CSMD1: variants seen among roughly 807,000 people sequenced by gnomAD.
CSMD1 encodes the protein CUB and sushi domain-containing protein 1.
A neutral mutation model predicts 417.5 loss-of-function variants in CSMD1; 213 were observed. The observed-to-expected ratio is 0.51, with a 90% CI of 0.46 to 0.57. The LOEUF is 0.57. Among genes scored for constraint, CSMD1 ranks in the 20% least tolerant of loss-of-function variants. The pLI is 0.00. For missense variants in CSMD1, 6,923 were observed against 4,529.7 expected, an observed-to-expected ratio of 1.53 and a Z score of -15.17; for synonymous variants, 2,862 against 1,736.8, an observed-to-expected ratio of 1.65 and a Z score of -16.11.
chr8:4,918,112 C>A (rs181804077), intron 1 of CSMD1, among the ~76,000 whole-genome samples: 1 of 152,038 alleles, frequency 6.6e-6, no homozygotes, highest in Admixed American at 6.6e-5. Context: ...AATATGTATT[C>A]TATTACAAAA....
chr8:3,643,659 C>A (rs901716736), intron 7 of CSMD1, among the ~76,000 whole-genome samples: 1 of 146,396 alleles, frequency 6.8e-6, no homozygotes, highest in Non-Finnish European at 1.5e-5. Flanking sequence ...CGAGATCGCG[C>A]CACTGCACCC....
At chr8:3,395,219 T>C (rs929300373) in intron 17 of CSMD1, among the ~76,000 whole-genome samples, 2 of 152,212 alleles carry the variant, frequency 1.3e-5, no homozygotes, top group African/African-American at 4.8e-5. Flanking sequence ...TTTACAATAG[T>C]ACTTGAGATA....
intron 3 of CSMD1, among the ~76,000 whole-genome samples, chr8:4,291,790 G>A (rs1228026626): frequency 1.3e-5 from 2 of 152,164 alleles, no homozygotes; most frequent in African/African-American, 4.8e-5. Flanking sequence ...GCTAATATAA[G>A]ACAAGTAATA....
chr8:3,560,488 A>G (rs1448440804), intron 10 of CSMD1, among the ~76,000 whole-genome samples: 1 of 152,194 alleles, frequency 6.6e-6, no homozygotes, highest in Non-Finnish European at 1.5e-5. Context: ...CTCATGCTGT[A>G]TTAGTGCCCT....
intron 1 of CSMD1, among the ~76,000 whole-genome samples, chr8:4,759,273 C>T (rs1358354240): frequency 6.6e-6 from 1 of 152,108 alleles, no homozygotes; most frequent in African/African-American, 2.4e-5. Flanking sequence ...GGAAGGATGC[C>T]ACCAGGGAAG....
intron 15 of CSMD1, among the ~76,000 whole-genome samples, chr8:3,402,190 A>G (rs1027717373): frequency 6.6e-6 from 1 of 152,196 alleles, no homozygotes; most frequent in Non-Finnish European, 1.5e-5. Context: ...AAGGTTCTCT[A>G]GACTTGAAAG....
chr8:3,270,972 C>T lies in CSMD1; in HGVS notation c.4153+13172G>A, dbSNP rs527753044. On this transcript the variant is annotated intron_variant, in intron 26 of 69. Coordinates refer to ENST00000635120, the MANE Select transcript of CSMD1 (RefSeq NM_033225.6). Reference sequence around the variant, plus strand: ...CTGTAAGTTTTAGGGTACATGTGCACAACGTACAGGTTAGTTACATATGTA... The same window carrying T: ...CTGTAAGTTTTAGGGTACATGTGCATAACGTACAGGTTAGTTACATATGTA... 1.5e-4 allele frequency among the ~76,000 whole-genome samples: 23 copies of T among 151,526 alleles called. 2 individuals are homozygous for T. In the South Asian group the frequency reaches 4.4e-3, roughly 29 times the overall value.
At chr8:3,288,776 G>A (rs1044656636) in intron 25 of CSMD1, among the ~76,000 whole-genome samples, 1 of 146,390 alleles carries the variant, frequency 6.8e-6, no homozygotes, top group Non-Finnish European at 1.5e-5. Flanking sequence ...ATTTTTTGAA[G>A]GGTTTTTCTC....
At chr8:4,133,066 G>A (rs1424536015) in intron 3 of CSMD1, among the ~76,000 whole-genome samples, 1 of 152,076 alleles carries the variant, frequency 6.6e-6, no homozygotes, top group South Asian at 2.1e-4. Context: ...CTCTTGAGTA[G>A]TTGGGACTAC....
At chr8:3,650,042 G>A (rs1357819354) in intron 7 of CSMD1, among the ~76,000 whole-genome samples, 1 of 152,192 alleles carries the variant, frequency 6.6e-6, no homozygotes, top group Non-Finnish European at 1.5e-5. Flanking sequence ...ACTTTGGGAA[G>A]CCAAGGCGGG....
chr8:4,538,895 T>C (rs934918647), intron 2 of CSMD1, among the ~76,000 whole-genome samples: 2 of 152,194 alleles, frequency 1.3e-5, no homozygotes, highest in African/African-American at 4.8e-5. Context: ...AGTTCCCCTT[T>C]TATGGAATCT....
chr8:4,389,581 G>C (rs1049087662), intron 3 of CSMD1, among the ~76,000 whole-genome samples: 1 of 152,090 alleles, frequency 6.6e-6, no homozygotes, highest in African/African-American at 2.4e-5. Context: ...AGATGTTTAA[G>C]AAATAAAACA....
intron 31 of CSMD1, among the ~76,000 whole-genome samples, chr8:3,203,966 G>A (rs965266480): frequency 4.6e-5 from 7 of 152,178 alleles, no homozygotes; most frequent in African/African-American, 1.4e-4. Flanking sequence ...CCAGGGACAT[G>A]GACCAGATTC....
chr8:4,101,734 C>G (rs1432627603), intron 3 of CSMD1, among the ~76,000 whole-genome samples: 5 of 152,182 alleles, frequency 3.3e-5, no homozygotes, highest in African/African-American at 1.2e-4. Flanking sequence ...GAAAAGCAAA[C>G]TGGGCCAATG....
chr8:4,780,039 A>C (rs1374633469), intron 1 of CSMD1, among the ~76,000 whole-genome samples: 1 of 152,048 alleles, frequency 6.6e-6, no homozygotes, highest in Non-Finnish European at 1.5e-5. Context: ...CAAGCCATTC[A>C]ATTCTGAGAC....
In CSMD1 at chr8:3,396,178, G is replaced by C; in HGVS notation, c.2593+16C>G. 2 of 1,553,150 alleles carry C rather than the reference G, an allele frequency of 1.3e-6. No individual in the cohort carries two copies. The highest frequency in any genetic ancestry group is 2.4e-5 in the South Asian group (2 of 84,118). On this transcript the variant is annotated intron_variant, in intron 17 of 69. Transcript: ENST00000635120. Reference sequence around the variant, plus strand: ...CATGCTGCCCTGCCGGGCTGTCAAGGGAAGGTGCAACTCACTCTCATAGTG... The same window carrying C: ...CATGCTGCCCTGCCGGGCTGTCAAGCGAAGGTGCAACTCACTCTCATAGTG...
intron 10 of CSMD1, among the ~76,000 whole-genome samples, chr8:3,544,020 T>C (rs775184004): frequency 6.6e-6 from 1 of 151,962 alleles, no homozygotes; most frequent in East Asian, 1.9e-4. Context: ...AAGTAGGTAA[T>C]AAAACAGTCT....
intron 3 of CSMD1, among the ~76,000 whole-genome samples, chr8:4,106,586 G>A (rs912280508): frequency 5.3e-5 from 8 of 152,104 alleles, no homozygotes; most frequent in East Asian, 1.9e-4. Context: ...ATAATTAAAG[G>A]TGAATTAATT....
chr8:4,773,604 T>C (rs986123947), intron 1 of CSMD1, among the ~76,000 whole-genome samples: 1 of 152,180 alleles, frequency 6.6e-6, no homozygotes, highest in Non-Finnish European at 1.5e-5. Context: ...TACCAAGGAT[T>C]CCTCAGGAGT....
Sources: gnomAD v4.1 joint callset for allele counts (sites outside exome capture counted in the v4.1 genomes callset) on GRCh38, gnomAD v4.1.1 for gene constraint, MANE v1.5 for transcripts, NCBI Gene and HGNC (gene_info 2026-07-23, HGNC 2026-07-21) for gene names.